The following SIPA1L1 variants were observed in gnomAD, a reference collection of about 807,000 sequenced individuals.
SIPA1L1 encodes signal-induced proliferation-associated 1-like protein 1.
A neutral mutation model predicts 162.7 loss-of-function variants in SIPA1L1; 26 were observed. The observed-to-expected ratio is 0.16, with a 90% CI of 0.12 to 0.22. The LOEUF is 0.22. Ranked by LOEUF, SIPA1L1 falls within the 10% of genes least tolerant of loss-of-function variation. The probability of loss-of-function intolerance (pLI) is 1.00; values close to 1 mark genes in which losing one functional copy is unlikely to be tolerated. For missense variants in SIPA1L1, 1,874 were observed against 2,241.0 expected, an observed-to-expected ratio of 0.84 and a Z score of 3.31; for synonymous variants, 829 against 837.4, an observed-to-expected ratio of 0.99 and a Z score of 0.17.
chr14:71,646,799 A>G (rs2042210809), intron 7 of SIPA1L1, among the ~76,000 whole-genome samples: 1 of 150,618 alleles, frequency 6.6e-6, no homozygotes, highest in African/African-American at 2.5e-5. Context: ...TGTGGATAGG[A>G]GGGCTTCTGG....
At chr14:71,452,406 T>C (rs1016948520) in intron 2 of SIPA1L1, among the ~76,000 whole-genome samples, 18 of 152,254 alleles carry the variant, frequency 1.2e-4, no homozygotes, top group Non-Finnish European at 5.9e-5. Flanking sequence ...GTGAATATAC[T>C]ACACTTTATT....
intron 7 of SIPA1L1, among the ~76,000 whole-genome samples, chr14:71,645,728 GT>G (rs2148995059): frequency 6.6e-6 from 1 of 152,264 alleles, no homozygotes; most frequent in Admixed American, 6.5e-5. Context: ...AGTGCCAGCA[GT>G]TTGACTCACC....
chr14:71,489,493 G>C (rs1211837946), intron 2 of SIPA1L1, among the ~76,000 whole-genome samples: 1 of 152,130 alleles, frequency 6.6e-6, no homozygotes, highest in African/African-American at 2.4e-5. Context: ...AACATGGAAA[G>C]AAAATTTAAC....
intron 7 of SIPA1L1, among the ~76,000 whole-genome samples, chr14:71,647,291 G>A (rs139901712): frequency 1.4e-3 from 209 of 152,044 alleles, no homozygotes; most frequent in Non-Finnish European, 2.5e-3. Context: ...GCTCACTAGG[G>A]TATAGAATTC....
At chr14:71,432,257 A>G (rs918478645) in intron 2 of SIPA1L1, among the ~76,000 whole-genome samples, 2 of 151,800 alleles carry the variant, frequency 1.3e-5, no homozygotes, top group African/African-American at 4.8e-5. Flanking sequence ...TATTTTTTGT[A>G]GAGATGAGGC....
chr14:71,332,551 C>G (rs951723288), intron 2 of SIPA1L1, among the ~76,000 whole-genome samples: 3 of 152,038 alleles, frequency 2.0e-5, no homozygotes, highest in Non-Finnish European at 4.4e-5. Context: ...AGAAAGAGTA[C>G]CAAAGGAAAC....
At chr14:71,626,722 T>A (rs1230744963) in intron 7 of SIPA1L1, among the ~76,000 whole-genome samples, 1 of 152,202 alleles carries the variant, frequency 6.6e-6, no homozygotes, top group Non-Finnish European at 1.5e-5. Flanking sequence ...ACTGGACTCA[T>A]CAGAAGGAGC....
intron 7 of SIPA1L1, among the ~76,000 whole-genome samples, chr14:71,638,369 G>A (rs560337592): frequency 1.3e-5 from 2 of 152,242 alleles, no homozygotes; most frequent in South Asian, 2.1e-4. Context: ...TTCTAGAGAT[G>A]CAAGGCTGAT....
chr14:71,391,255 C>T (rs1247644243), intron 2 of SIPA1L1, among the ~76,000 whole-genome samples: 7 of 151,904 alleles, frequency 4.6e-5, no homozygotes, highest in East Asian at 1.9e-4. Context: ...TACAGGCGCC[C>T]GCCACACGCC....
intron 13 of SIPA1L1, among the ~76,000 whole-genome samples, chr14:71,698,514 T>C (rs145913255): frequency 1.4e-3 from 210 of 152,334 alleles, no homozygotes; most frequent in Non-Finnish European, 2.5e-3. Context: ...TGAATATTCA[T>C]TCCAGAGTGT....
At chr14:71,697,696 T>G (rs2081754102) in intron 13 of SIPA1L1, among the ~76,000 whole-genome samples, 1 of 151,992 alleles carries the variant, frequency 6.6e-6, no homozygotes, top group African/African-American at 2.4e-5. Context: ...AATTTGGGAG[T>G]TGTACCTTTT....
intron 4 of SIPA1L1, among the ~76,000 whole-genome samples, chr14:71,547,524 C>T (rs996341289): frequency 7.9e-5 from 12 of 152,030 alleles, no homozygotes; most frequent in African/African-American, 2.9e-4. Context: ...GAACTCCGTA[C>T]CTCAGGTGAT....
chr14:71,711,365 C>T (rs1049580078), intron 17 of SIPA1L1, among the ~76,000 whole-genome samples: 1 of 152,234 alleles, frequency 6.6e-6, no homozygotes, highest in African/African-American at 2.4e-5. Flanking sequence ...GGCACATCCC[C>T]ATCTCAGTAG....
chr14:71,415,600 A>G (rs555109344), intron 2 of SIPA1L1, among the ~76,000 whole-genome samples: 179 of 152,304 alleles, frequency 1.2e-3, no homozygotes, highest in African/African-American at 4.1e-3. Flanking sequence ...TTTTACCTCA[A>G]TCTTGGAAGC....
chr14:71,544,802 G>T (rs920170462), intron 4 of SIPA1L1, among the ~76,000 whole-genome samples: 5 of 152,086 alleles, frequency 3.3e-5, no homozygotes, highest in African/African-American at 1.2e-4. Context: ...TGGTCTCTTT[G>T]TTCTTAAGTC....
intron 2 of SIPA1L1, among the ~76,000 whole-genome samples, chr14:71,356,582 A>AAAAAAAAAAAAAAAAAAAC (rs1278998845): frequency 6.9e-6 from 1 of 145,314 alleles, no homozygotes; most frequent in African/African-American, 2.5e-5. Context: ...AAAAAAAAAA[A>AAAAAAAAAAAAAAAAAAAC]AAAAAGCACA....
At position 71,533,906 on chromosome 14, in the gene SIPA1L1, C is replaced by G. The variant is rs2053663387; in HGVS notation, c.-303+4536C>G. Among the ~76,000 whole-genome samples the G allele has an allele frequency of 2.7e-5, 4 of 150,126 alleles. No homozygotes were observed. The Admixed American group carries it at 2.7e-4, about 10-fold the overall frequency. ...TTTCCCTAATATAAATTACAAAAAC[C>G]TTCATTTAGGCTGTGTTTACAAAGA... On this transcript the variant is annotated intron_variant, in intron 4 of 23. Coordinates refer to ENST00000381232, the MANE Select transcript of SIPA1L1 (RefSeq NM_001386936.1).
At chr14:71,499,843 G>A (rs1475950480) in intron 2 of SIPA1L1, among the ~76,000 whole-genome samples, 1 of 152,152 alleles carries the variant, frequency 6.6e-6, no homozygotes, top group African/African-American at 2.4e-5. Flanking sequence ...TTGTTTGAAT[G>A]AGAATAGAAA....
At chr14:71,638,786 A>C (rs193296794) in intron 7 of SIPA1L1, among the ~76,000 whole-genome samples, 22 of 152,374 alleles carry the variant, frequency 1.4e-4, no homozygotes, top group African/African-American at 5.3e-4. Context: ...TGGAACTGCA[A>C]AATGTGTTTA....
Sources: gnomAD v4.1 joint callset for allele counts (sites outside exome capture counted in the v4.1 genomes callset) on GRCh38, gnomAD v4.1.1 for gene constraint, MANE v1.5 for transcripts, NCBI Gene and HGNC (gene_info 2026-07-23, HGNC 2026-07-21) for gene names.